TRIO: variants seen among roughly 807,000 people sequenced by gnomAD.
TRIO encodes the protein triple functional domain protein.
A neutral mutation model predicts 351.9 loss-of-function variants in TRIO; 58 were observed. The observed-to-expected ratio is 0.16, with a 90% CI of 0.13 to 0.21. The LOEUF (loss-of-function observed/expected upper bound fraction) is 0.21, where lower values mean the gene tolerates loss of function less well. TRIO is among the 10% of genes least tolerant of loss of function. The pLI is 1.00. For missense variants in TRIO, 3,201 were observed against 4,027.8 expected (o/e 0.79, Z 5.56); for synonymous variants, 1,758 against 1,595.7 (o/e 1.10, Z -2.42).
At chr5:14,314,301 G>C (rs1216446596) in intron 8 of TRIO, among the ~76,000 whole-genome samples, 4 of 152,150 alleles carry the variant, frequency 2.6e-5, no homozygotes, top group Non-Finnish European at 2.9e-5. Flanking sequence ...AGACAAAGGT[G>C]ATTTATGATA....
chr5:14,334,365 C>T (rs894462757), intron 10 of TRIO, among the ~76,000 whole-genome samples: 1 of 152,202 alleles, frequency 6.6e-6, no homozygotes, highest in Non-Finnish European at 1.5e-5. Flanking sequence ...GTCTCATGTT[C>T]TTCAAGCACA....
In TRIO at chr5:14,246,143, A is replaced by G. The variant is rs1433871290; in HGVS notation, c.158-24682A>G. On this transcript the variant is annotated intron_variant, in intron 1 of 56. Transcript: ENST00000344204. ...TGATAAACAGCTACAGTTTCGTTGT[A>G]TCCTTTGAAACAATTTAAATCAGAA... 2.0e-5 allele frequency among the ~76,000 whole-genome samples: 3 copies of G among 152,204 alleles called. No homozygotes were observed. The East Asian group carries it at 5.8e-4, about 29-fold the overall frequency.
Position 14,387,726 on chromosome 5 carries a change from C to G in TRIO, c.3766-6C>G, listed in dbSNP as rs749674951. 1.9e-6 allele frequency: 3 copies of G among 1,613,570 alleles called. No individual in the cohort carries two copies. Among genetic ancestry groups the G allele is most frequent in the Non-Finnish European group, 2.5e-6 (3 of 1,179,490 alleles). On this transcript the variant is annotated splice_polypyrimidine_tract_variant and splice_region_variant and intron_variant, in intron 22 of 56. Coordinates refer to ENST00000344204, the MANE Select transcript of TRIO (RefSeq NM_007118.4). Reference sequence around the variant, plus strand: ...AACTGAGTTCATTGGCTCTGTTATTCCACAGAGTAAAAGTCTCCAGCTAGA... The same window carrying G: ...AACTGAGTTCATTGGCTCTGTTATTGCACAGAGTAAAAGTCTCCAGCTAGA...
chr5:14,402,058 A>C (rs1442707715), intron 31 of TRIO, among the ~76,000 whole-genome samples: 1 of 152,196 alleles, frequency 6.6e-6, no homozygotes, highest in Non-Finnish European at 1.5e-5. Flanking sequence ...TTTTGCAGTG[A>C]ATATGTGATT....
At chr5:14,489,177 C>A (rs1756289178) in intron 48 of TRIO, 1 of 587,338 alleles carries the variant, frequency 1.7e-6, no homozygotes, top group Non-Finnish European at 3.0e-6. Context: ...AAAAAAAAAT[C>A]TAGCTTTTGC....
chr5:14,236,459 G>C (rs958354507), intron 1 of TRIO, among the ~76,000 whole-genome samples: 2 of 152,072 alleles, frequency 1.3e-5, no homozygotes, highest in African/African-American at 4.8e-5. Flanking sequence ...ATTTACTTAG[G>C]ATATATGCAC....
At chr5:14,476,844 T>G (rs772197779) in intron 40 of TRIO, 50 bp from the exon 41 acceptor site, 2 of 1,474,980 alleles carry the variant, frequency 1.4e-6, no homozygotes, top group South Asian at 2.5e-5. Flanking sequence ...AAATCTAAAA[T>G]TAGAAGGCCA....
At chr5:14,351,631 G>T (rs1017413055) in intron 11 of TRIO, among the ~76,000 whole-genome samples, 1 of 152,256 alleles carries the variant, frequency 6.6e-6, no homozygotes, top group Non-Finnish European at 1.5e-5. Context: ...GAAGATGCAT[G>T]TAGTAAAATG....
intron 9 of TRIO, among the ~76,000 whole-genome samples, chr5:14,321,137 C>G (rs1025099979): frequency 5.9e-5 from 9 of 152,170 alleles, no homozygotes; most frequent in African/African-American, 1.9e-4. Context: ...ATATTGAGGG[C>G]TACTAGGAAT....
intron 21 of TRIO, among the ~76,000 whole-genome samples, chr5:14,381,715 A>T (rs549377183): frequency 6.6e-6 from 1 of 152,264 alleles, no homozygotes; most frequent in South Asian, 2.1e-4. Flanking sequence ...TTTAGTCTGC[A>T]GTTGTCTGTG....
intron 34 of TRIO, among the ~76,000 whole-genome samples, chr5:14,442,049 A>G (rs1462455814): frequency 2.6e-5 from 4 of 152,220 alleles, no homozygotes; most frequent in Non-Finnish European, 5.9e-5. Flanking sequence ...GCAGATGCCC[A>G]TGGAATGCTG....
At chr5:14,404,432 C>G (rs756587104) in intron 31 of TRIO, among the ~76,000 whole-genome samples, 3 of 152,046 alleles carry the variant, frequency 2.0e-5, no homozygotes, top group African/African-American at 7.3e-5. Context: ...AGGAGAATTA[C>G]TCTCTAAGTG....
At chr5:14,180,837 A>G (rs999482293) in intron 1 of TRIO, among the ~76,000 whole-genome samples, 1 of 132,674 alleles carries the variant, frequency 7.5e-6, no homozygotes, top group Non-Finnish European at 1.7e-5. Context: ...ATGTCCCCCC[A>G]GTGCCCCCAC....
chr5:14,217,172 C>T (rs1269055582), intron 1 of TRIO, among the ~76,000 whole-genome samples: 1 of 152,154 alleles, frequency 6.6e-6, no homozygotes, highest in Non-Finnish European at 1.5e-5. Context: ...TGTTACTAAG[C>T]ATACCTGGAG....
chr5:14,331,909 TAAAA>T (rs1410961956), intron 10 of TRIO, among the ~76,000 whole-genome samples: 2 of 152,166 alleles, frequency 1.3e-5, no homozygotes, highest in Non-Finnish European at 2.9e-5. Context: ...TGGGCTAGTG[TAAAA>T]AAAGAAATAA....
chr5:14,179,044 C>G (rs164005), intron 1 of TRIO, among the ~76,000 whole-genome samples: 15,012 of 152,210 alleles, frequency 0.099, 912 homozygotes, highest in African/African-American at 0.15. Flanking sequence ...CCCCCACCCC[C>G]GCAGAAGCCG....
At chr5:14,205,445 T>G (rs369305301) in intron 1 of TRIO, among the ~76,000 whole-genome samples, 2 of 152,334 alleles carry the variant, frequency 1.3e-5, no homozygotes, top group East Asian at 1.9e-4. Context: ...CAATACACTG[T>G]TCATTACGTT....
At chr5:14,383,391 A>G (rs1051823926) in intron 21 of TRIO, among the ~76,000 whole-genome samples, 2 of 152,172 alleles carry the variant, frequency 1.3e-5, no homozygotes, top group Admixed American at 6.5e-5. Context: ...GGGGCCATGC[A>G]TGGGGGATGT....
chr5:14,257,239 C>G (rs2152255055), intron 1 of TRIO, among the ~76,000 whole-genome samples: 1 of 152,316 alleles, frequency 6.6e-6, no homozygotes. Context: ...TCCACCAGAT[C>G]CAGGGGCCAC....
Sources: gnomAD v4.1 joint callset for allele counts (sites outside exome capture counted in the v4.1 genomes callset) on GRCh38, gnomAD v4.1.1 for gene constraint, MANE v1.5 for transcripts, NCBI Gene and HGNC (gene_info 2026-07-23, HGNC 2026-07-21) for gene names.